The following CFAP221 variants were observed in gnomAD, a reference collection of about 807,000 sequenced individuals.
CFAP221 encodes cilia and flagella associated protein 221.
In CFAP221, 97 loss-of-function variants were observed where a neutral mutation model predicts 113.1. That is an observed-to-expected ratio of 0.86 (90% CI 0.73 to 1.02). The LOEUF is 1.02. Ranked by LOEUF, CFAP221 falls within the 50% of genes least tolerant of loss-of-function variation. The pLI is 0.00. For missense variants in CFAP221, 1,025 were observed against 1,013.4 expected (o/e 1.01, Z -0.16); for synonymous variants, 331 against 354.4 (o/e 0.93, Z 0.74).
intron 8 of CFAP221, among the ~76,000 whole-genome samples, chr2:119,603,845 G>A: frequency 6.6e-6 from 1 of 152,062 alleles, no homozygotes. Flanking sequence ...TTTCTGAATA[G>A]AACACAGTTC....
At chr2:119,600,619 A>G (rs904903813) in intron 7 of CFAP221, among the ~76,000 whole-genome samples, 2 of 152,260 alleles carry the variant, frequency 1.3e-5, no homozygotes, top group African/African-American at 4.8e-5. Flanking sequence ...AAAAAGCTAC[A>G]TAAGGATAAT....
In CFAP221 at chr2:119,627,780, C is replaced by T. The variant is rs143020544; in HGVS notation, c.1644C>T (p.Asn548=). 2.7e-5 allele frequency: 44 copies of T among 1,613,330 alleles called. 2 individuals carry two copies. The highest frequency in any genetic ancestry group is 2.6e-4 in the South Asian group (24 of 91,028). The change falls in exon 16 of 24, where the codon AAC becomes AAT. Residue 548 remains asparagine, a synonymous_variant. Coordinates refer to ENST00000413369, the MANE Select transcript of CFAP221 (RefSeq NM_001271049.2). ...FPDCSPPQDS[N]ELAPDGLGLV... ...ACTGCAGCCCACCCCAGGACTCCAACGAGTTGGTAGGTGCCGTCAGGCTTG... is the reference window on the plus strand; with the variant it reads ...ACTGCAGCCCACCCCAGGACTCCAATGAGTTGGTAGGTGCCGTCAGGCTTG...
At chr2:119,644,873 A>C (rs6542538) in intron 21 of CFAP221, among the ~76,000 whole-genome samples, 151,171 of 152,228 alleles carry the variant, frequency 0.99, 75,070 homozygotes, top group Middle Eastern at 1. Flanking sequence ...ACTGTGAGAA[A>C]CCTGGCTTCT....
At chr2:119,562,927 G>C (rs990354921) in intron 6 of CFAP221, among the ~76,000 whole-genome samples, 3 of 152,122 alleles carry the variant, frequency 2.0e-5, no homozygotes, top group African/African-American at 7.2e-5. Context: ...CGAGGCAGAG[G>C]ATGGCTTGAG....
chr2:119,649,560 A>C (rs925775751), intron 22 of CFAP221, among the ~76,000 whole-genome samples: 1 of 152,230 alleles, frequency 6.6e-6, no homozygotes, highest in African/African-American at 2.4e-5. Context: ...AATAAACAGA[A>C]GCCTAGGATC....
At position 119,608,550 on chromosome 2, in the gene CFAP221, GCT is replaced by G; in HGVS notation, c.1183_1184del (p.Leu395TyrfsTer2). ...DPMSFKLKKE[L>X]TEEWQKACAK... Reference sequence around the variant, plus strand: ...CTATGTCTTTTAAACTTAAAAAAGAGCTTACTGAAGAGTGGCAAAAAGCATGT... The same window carrying G: ...CTATGTCTTTTAAACTTAAAAAAGAGTACTGAAGAGTGGCAAAAAGCATGT... On this transcript the variant is annotated frameshift_variant, in exon 12 of 24. Transcript: ENST00000413369. LOFTEE classifies it high-confidence loss of function. 1 of 1,613,216 alleles carries G rather than the reference GCT, an allele frequency of 6.2e-7. No homozygotes were observed. Among genetic ancestry groups the G allele is most frequent in the Non-Finnish European group, 8.5e-7 (1 of 1,179,714 alleles).
intron 7 of CFAP221, chr2:119,590,258 A>G (rs1182720497): frequency 6.6e-6 from 1 of 152,182 alleles, no homozygotes; most frequent in Non-Finnish European, 1.5e-5. Context: ...AAATAATTTT[A>G]TATTTTGCAT....
intron 2 of CFAP221, among the ~76,000 whole-genome samples, chr2:119,547,663 G>A (rs151310895): frequency 6.6e-6 from 1 of 152,250 alleles, no homozygotes; most frequent in East Asian, 1.9e-4. Flanking sequence ...ATAACCTACA[G>A]AGATCGTCAG....
chr2:119,558,602 G>C (rs940660433), intron 3 of CFAP221, among the ~76,000 whole-genome samples: 3 of 152,076 alleles, frequency 2.0e-5, no homozygotes, highest in Non-Finnish European at 2.9e-5. Context: ...AAGACCCTTT[G>C]AGCCCAGGAG....
At chr2:119,596,299 C>T (rs957555597) in intron 7 of CFAP221, among the ~76,000 whole-genome samples, 15 of 152,208 alleles carry the variant, frequency 9.9e-5, no homozygotes, top group Admixed American at 8.5e-4. Flanking sequence ...CTAGGGGGTG[C>T]GCTGCACTTC....
At chr2:119,580,002 A>G (rs532630012) in intron 6 of CFAP221, among the ~76,000 whole-genome samples, 6 of 152,204 alleles carry the variant, frequency 3.9e-5, no homozygotes, top group South Asian at 2.1e-4. Flanking sequence ...AACACTTCAC[A>G]TCGCGCATTA....
At chr2:119,557,550 A>G (rs906288357) in intron 3 of CFAP221, 1 of 152,218 alleles carries the variant, frequency 6.6e-6, no homozygotes, top group Non-Finnish European at 1.5e-5. Context: ...GAGAGTGGAA[A>G]TGCCTGGATA....
chr2:119,601,401 TG>T, intron 8 of CFAP221, 24 bp downstream of exon 8: 1 of 1,483,290 alleles, frequency 6.7e-7, no homozygotes, highest in East Asian at 2.5e-5. Context: ...GCAGTGTTTT[TG>T]TTTATTTTTA....
chr2:119,584,060 A>G (rs1574059508), intron 6 of CFAP221, among the ~76,000 whole-genome samples: 1 of 152,334 alleles, frequency 6.6e-6, no homozygotes, highest in South Asian at 2.1e-4. Context: ...CATTATGGAG[A>G]CACTTATAAA....
intron 14 of CFAP221, among the ~76,000 whole-genome samples, chr2:119,618,908 C>T (rs1034131231): frequency 6.6e-6 from 1 of 152,266 alleles, no homozygotes; most frequent in African/African-American, 2.4e-5. Context: ...GGGGGAGGGG[C>T]GTCTGCCATT....
At chr2:119,564,660 A>G (rs1011812674) in intron 6 of CFAP221, among the ~76,000 whole-genome samples, 4 of 152,130 alleles carry the variant, frequency 2.6e-5, no homozygotes, top group African/African-American at 9.7e-5. Flanking sequence ...TGCGTTTTTC[A>G]TTCAACATTA....
At chr2:119,584,017 C>T (rs906594857) in intron 6 of CFAP221, among the ~76,000 whole-genome samples, 1 of 152,038 alleles carries the variant, frequency 6.6e-6, no homozygotes, top group Non-Finnish European at 1.5e-5. Flanking sequence ...TACCAAAACA[C>T]CTAGGGAAAA....
At chr2:119,630,975 A>G in intron 19 of CFAP221, 74 bp downstream of exon 19, 1 of 1,526,026 alleles carries the variant, frequency 6.6e-7, no homozygotes, top group African/African-American at 1.4e-5. Context: ...GAAACAGAGC[A>G]CTCATTGGGA....
At chr2:119,631,228 C>T in intron 19 of CFAP221, 1 of 447,366 alleles carries the variant, frequency 2.2e-6, no homozygotes, top group Non-Finnish European at 3.1e-6. Flanking sequence ...AACAAAAAAT[C>T]TGTGGGAAAT....
Sources: allele counts gnomAD v4.1 joint callset (sites outside exome capture counted in the v4.1 genomes callset), GRCh38; gene constraint gnomAD v4.1.1; transcripts MANE v1.5; gene names NCBI Gene and HGNC (gene_info 2026-07-23, HGNC 2026-07-21).